The following ROPN1 variants were observed in gnomAD, a reference collection of about 807,000 sequenced individuals.
ROPN1 encodes the protein ropporin-1A.
A neutral mutation model predicts 20.5 loss-of-function variants in ROPN1; 14 were observed. The observed-to-expected ratio is 0.68, with a 90% confidence interval of 0.45 to 1.07. ROPN1 has a LOEUF of 1.07. ROPN1 is among the 50% of genes least tolerant of loss of function. The probability of loss-of-function intolerance (pLI) is 0.00; values close to 1 mark genes in which losing one functional copy is unlikely to be tolerated. For synonymous variants in ROPN1, 76 were observed against 95.7 expected, an observed-to-expected ratio of 0.79 and a Z score of 1.20; for missense variants, 169 against 242.8, an observed-to-expected ratio of 0.70 and a Z score of 2.02.
rs887078433 is a variant in ROPN1 at position 123,981,515 on chromosome 3, C to T, written c.-12-1022G>A. ...CCCCTTCTGACCTAAACTTGAGACC[C>T]GCCCAGGGACTACACCCTCAGCGTG... On this transcript the variant is annotated intron_variant, in intron 1 of 5. Transcript: ENST00000405845. 3.2e-5 allele frequency: 5 copies of T among 153,874 alleles called. No homozygotes were observed. The South Asian group carries it at 6.2e-4, about 19-fold the overall frequency. The allele number at this position is 153,874 out of a possible 1,614,324, so 9.5% of individuals were successfully genotyped here.
intron 1 of ROPN1, among the ~76,000 whole-genome samples, chr3:123,985,992 C>CAAAAAAAAAAAAAAAAAAAAAAAAAA (rs35677015): frequency 1.8e-4 from 4 of 22,126 alleles, no homozygotes; most frequent in African/African-American, 3.6e-4. Context: ...GACCTTGTCT[C>CAAAAAAAAAAAAAAAAAAAAAAAAAA]AAAAAAAAAA....
At chr3:123,970,247 G>C (rs1309140308) in intron 4 of ROPN1, 30 bp from the exon 5 acceptor site, 1 of 1,588,412 alleles carries the variant, frequency 6.3e-7, no homozygotes, top group African/African-American at 1.3e-5. Context: ...TGAGGAGAAA[G>C]TTACTCTTCC....
At chr3:123,974,157 C>A (rs1460212010) in intron 4 of ROPN1, among the ~76,000 whole-genome samples, 1 of 152,116 alleles carries the variant, frequency 6.6e-6, no homozygotes. Flanking sequence ...CCAAGAAGAT[C>A]CAAATTAACT....
intron 1 of ROPN1, among the ~76,000 whole-genome samples, chr3:123,989,504 G>A (rs761236126): frequency 6.6e-6 from 1 of 152,210 alleles, no homozygotes; most frequent in Non-Finnish European, 1.5e-5. Flanking sequence ...GGAAGGACTG[G>A]AGGAGGAAGA....
chr3:123,991,713 G>T (rs1174637536), intron 1 of ROPN1, among the ~76,000 whole-genome samples: 1 of 148,640 alleles, frequency 6.7e-6, no homozygotes, highest in Non-Finnish European at 1.5e-5. Flanking sequence ...ATAGTATTCT[G>T]GGTACAAAAT....
intron 1 of ROPN1, among the ~76,000 whole-genome samples, chr3:123,984,831 T>G (rs568894102): frequency 6.6e-6 from 1 of 152,168 alleles, no homozygotes; most frequent in Admixed American, 6.6e-5. Flanking sequence ...TCTCTTCCCC[T>G]CAGTATTTTG....
At chr3:123,979,480 C>T (rs2148995426) in intron 2 of ROPN1, 1 of 364,414 alleles carries the variant, frequency 2.7e-6, no homozygotes, top group East Asian at 7.3e-5. Flanking sequence ...AGTTATCTTC[C>T]AACTCCTGTC....
At chr3:123,980,328 C>G (rs750672368) in intron 2 of ROPN1, 38 bp downstream of exon 2, 1 of 1,605,164 alleles carries the variant, frequency 6.2e-7, no homozygotes, top group East Asian at 2.2e-5. Context: ...TGTCTCCGGC[C>G]GTCCTCCAAG....
intron 1 of ROPN1, among the ~76,000 whole-genome samples, chr3:123,986,644 G>A (rs2038264444): frequency 2.0e-5 from 3 of 152,182 alleles, no homozygotes; most frequent in Admixed American, 2.0e-4. Flanking sequence ...TGCAGTGGCA[G>A]TCAGTGGGGG....
chr3:123,982,826 T>G (rs2038176837), intron 1 of ROPN1, among the ~76,000 whole-genome samples: 1 of 152,182 alleles, frequency 6.6e-6, no homozygotes, highest in Non-Finnish European at 1.5e-5. Context: ...CTCCAGAACT[T>G]TTTCATCTTC....
chr3:123,969,684 C>T (rs746840084), intron 5 of ROPN1, among the ~76,000 whole-genome samples: 7 of 152,138 alleles, frequency 4.6e-5, no homozygotes, highest in South Asian at 2.1e-4. Context: ...CATAGCTAAG[C>T]GTGAGTCAGA....
In ROPN1 at chr3:123,980,477, G is replaced by T. The variant is rs756743345; in HGVS notation, c.5C>A (p.Ala2Asp). The change falls in exon 2 of 6, where the codon GCT becomes GAT. Residue 2 changes from alanine to aspartate, a missense_variant. Ala to Asp is a moderately radical substitution (Grantham distance 126). Coordinates refer to ENST00000405845, the MANE Select transcript of ROPN1 (RefSeq NM_001317774.2). Reference sequence around the variant, plus strand: ...GATGCATGTTGGCTTATCTGTCTGAGCCATTGATTGGTTGGCCTATTCTCA... The same window carrying T: ...GATGCATGTTGGCTTATCTGTCTGATCCATTGATTGGTTGGCCTATTCTCA... M[A>D]QTDKPTCIPP... The T allele has an allele frequency of 6.2e-7, 1 of 1,614,086 alleles. No homozygotes were observed. Among genetic ancestry groups the T allele is most frequent in the Non-Finnish European group, 8.5e-7 (1 of 1,179,974 alleles).
intron 1 of ROPN1, among the ~76,000 whole-genome samples, chr3:123,984,909 G>A (rs969561342): frequency 1.3e-5 from 2 of 151,982 alleles, no homozygotes; most frequent in East Asian, 1.9e-4. Flanking sequence ...ACTTCCCCAG[G>A]GTTTTTCATA....
intron 1 of ROPN1, among the ~76,000 whole-genome samples, chr3:123,987,678 C>A (rs527912317): frequency 7.9e-4 from 121 of 152,352 alleles, no homozygotes; most frequent in Middle Eastern, 3.4e-3. Context: ...CTGAGACAAA[C>A]CCATGGCCAA....
chr3:123,969,317 GT>G (rs1390718773), intron 5 of ROPN1, 96 bp from the exon 6 acceptor site: 4 of 1,038,466 alleles, frequency 3.9e-6, no homozygotes. Context: ...TAATTCTGCT[GT>G]TGCTCCTTTT....
chr3:123,985,215 G>A (rs1356029493), intron 1 of ROPN1, among the ~76,000 whole-genome samples: 2 of 152,158 alleles, frequency 1.3e-5, no homozygotes, highest in African/African-American at 4.8e-5. Flanking sequence ...CTGTGCCGAA[G>A]GTTTTATGTA....
chr3:123,981,235 A>G (rs1167423193), intron 1 of ROPN1: 1 of 152,194 alleles, frequency 6.6e-6, no homozygotes, highest in Non-Finnish European at 1.5e-5. Flanking sequence ...TCTTCAAAAC[A>G]CCTAGAGGCC....
intron 4 of ROPN1, among the ~76,000 whole-genome samples, chr3:123,971,125 C>G (rs532686791): frequency 1.3e-4 from 20 of 152,258 alleles, no homozygotes; most frequent in African/African-American, 4.8e-4. Flanking sequence ...GAAAAAGCAG[C>G]TGCTGTATCT....
intron 2 of ROPN1, chr3:123,978,654 T>A (rs1393199860): frequency 6.5e-6 from 1 of 153,680 alleles, no homozygotes; most frequent in Non-Finnish European, 1.5e-5. Flanking sequence ...AAATTCTTAC[T>A]TGCAATGGAT....
Sources: allele counts gnomAD v4.1 joint callset (sites outside exome capture counted in the v4.1 genomes callset), GRCh38; gene constraint gnomAD v4.1.1; transcripts MANE v1.5; gene names NCBI Gene and HGNC (gene_info 2026-07-23, HGNC 2026-07-21).